KRT76: variants seen among roughly 807,000 people sequenced by gnomAD.
The protein encoded by KRT76 is keratin, type II cytoskeletal 2 oral.
KRT76 carries 47 observed loss-of-function variants against 44.9 expected under a neutral mutation model. The ratio of observed to expected loss-of-function variants is 1.05; its 90% confidence interval spans 0.83 to 1.33. KRT76 has a LOEUF of 1.33. KRT76 is among the 40% of genes most tolerant of loss of function. The pLI, the probability that KRT76 is intolerant of heterozygous loss-of-function variation, is 0.00. For synonymous variants in KRT76, 331 were observed against 294.1 expected (o/e 1.13, Z -1.28); for missense variants, 860 against 775.8 (o/e 1.11, Z -1.29).
Position 52,775,376 on chromosome 12 carries a change from A to T in KRT76, c.815+12T>A. ...TCCCCAGAAGGGGAAACTTCCCAGGAGGAGCCCTCACTTCTTTTTGAAGTC... is the reference window on the plus strand; with the variant it reads ...TCCCCAGAAGGGGAAACTTCCCAGGTGGAGCCCTCACTTCTTTTTGAAGTC... On this transcript the variant is annotated intron_variant, in intron 2 of 8. Transcript: ENST00000332411. 6.2e-7 allele frequency: 1 copy of T among 1,613,326 alleles called. No individual in the cohort carries two copies. The highest frequency in any genetic ancestry group is 8.5e-7 in the Non-Finnish European group (1 of 1,179,270).
chr12:52,775,815 C>T (rs1939253521), intron 1 of KRT76, among the ~76,000 whole-genome samples: 1 of 152,158 alleles, frequency 6.6e-6, no homozygotes, highest in Non-Finnish European at 1.5e-5. Context: ...ATTTCCGTCA[C>T]ATTTAATCCT....
intron 1 of KRT76, among the ~76,000 whole-genome samples, chr12:52,776,211 T>C (rs937637651): frequency 6.6e-6 from 1 of 152,212 alleles, no homozygotes; most frequent in Non-Finnish European, 1.5e-5. Flanking sequence ...TGCCCCAGCA[T>C]GGACAGCTCA....
At chr12:52,775,282 A>C in intron 2 of KRT76, 106 bp downstream of exon 2, 1 of 953,246 alleles carries the variant, frequency 1.0e-6, no homozygotes, top group Non-Finnish European at 1.7e-6. Context: ...AATCCATCCC[A>C]GAGTATTGAC....
chr12:52,773,603 A>C lies in KRT76; in HGVS notation c.855T>G (p.Asn285Lys). The change falls in exon 3 of 9, where the codon AAT becomes AAG. Residue 285 changes from asparagine (N) to lysine (K), a missense_variant. Transcript: ENST00000332411. ...DEINKRTAAE[N>K]EFVGLKKDVD... Reference sequence around the variant, plus strand: ...CTACCTTCTTGAGCCCCACAAACTCATTCTCTGCGGCAGTGCGTTTGTTGA... The same window carrying C: ...CTACCTTCTTGAGCCCCACAAACTCCTTCTCTGCGGCAGTGCGTTTGTTGA... 6.2e-7 allele frequency: 1 copy of C among 1,613,348 alleles called. No homozygotes were observed. The highest frequency in any genetic ancestry group is 8.5e-7 in the Non-Finnish European group (1 of 1,179,454).
intron 3 of KRT76, among the ~76,000 whole-genome samples, chr12:52,773,155 A>G (rs934146255): frequency 2.0e-5 from 3 of 152,220 alleles, no homozygotes; most frequent in Non-Finnish European, 2.9e-5. Context: ...CCTAATATGT[A>G]TGTGACTTTG....
chr12:52,774,023 G>A (rs925794727), intron 2 of KRT76, among the ~76,000 whole-genome samples: 1 of 152,170 alleles, frequency 6.6e-6, no homozygotes, highest in East Asian at 1.9e-4. Flanking sequence ...GTAGAGACAA[G>A]GTCTCACTTT....
chr12:52,776,857 G>C lies in KRT76; in HGVS notation c.435C>G (p.Gly145=). ...CCCCAGGAAAGCCCCCAGGGCCAAAGCCACCAGGACCACCAAAGCTGCCAG... is the reference window on the plus strand; with the variant it reads ...CCCCAGGAAAGCCCCCAGGGCCAAACCCACCAGGACCACCAAAGCTGCCAG... ...GGPGSFGGPG[G]FGPGGFPGGI... is the part of the protein sequence containing the mutation. The change falls in exon 1 of 9, where the codon GGC becomes GGG. Residue 145 remains glycine, a synonymous_variant. Coordinates refer to ENST00000332411, the MANE Select transcript of KRT76 (RefSeq NM_015848.4). 6.2e-7 allele frequency: 1 copy of C among 1,613,122 alleles called. No homozygotes were observed. Among genetic ancestry groups the C allele is most frequent in the Non-Finnish European group, 8.5e-7 (1 of 1,179,540 alleles).
intron 7 of KRT76, among the ~76,000 whole-genome samples, chr12:52,770,091 T>G (rs1939156304): frequency 6.6e-6 from 1 of 152,218 alleles, no homozygotes; most frequent in Non-Finnish European, 1.5e-5. Flanking sequence ...ACCTACACTG[T>G]CCATCTTCCT....
chr12:52,769,343 C>T (rs1939143729), intron 8 of KRT76, among the ~76,000 whole-genome samples: 2 of 152,204 alleles, frequency 1.3e-5, no homozygotes, highest in African/African-American at 4.8e-5. Context: ...ACTCCCCAAA[C>T]CAGAGGGGCT....
At position 52,772,112 on chromosome 12, in the gene KRT76, C is replaced by G; in HGVS notation, c.1119G>C (p.Glu373Asp). ...EIAQRSKSEA[E>D]ALYQTKLGEL... ...TTCCCACCTTGGTCTGGTACAGGGC[C>G]TCAGCTTCAGACTTGCTCCTCTGGG... Residue 373 changes from glutamate (E) to aspartate (D), a missense_variant, in exon 5 of 9, where the codon GAG (glutamate) becomes GAC (aspartate). Physicochemically the swap from Glu to Asp is conservative, Grantham distance 45. Transcript: ENST00000332411. 2 of 1,611,412 alleles carry G rather than the reference C, an allele frequency of 1.2e-6. No individual in the cohort carries two copies. Among genetic ancestry groups the G allele is most frequent in the Non-Finnish European group, 1.7e-6 (2 of 1,178,518 alleles).
Position 52,768,675 on chromosome 12 carries a change from G to A in KRT76, c.*38C>T, listed in dbSNP as rs1005242839. 1.3e-5 allele frequency: 21 copies of A among 1,557,842 alleles called. No homozygotes were observed. Among genetic ancestry groups the A allele is most frequent in the Non-Finnish European group, 1.7e-5 (19 of 1,144,386 alleles). On this transcript the variant is annotated 3_prime_UTR_variant, in exon 9 of 9. Coordinates refer to ENST00000332411, the MANE Select transcript of KRT76 (RefSeq NM_015848.4). Reference sequence around the variant, plus strand: ...AGTGGGAAACACTATTGCAGGCTGAGTGGGAAGCAGGTGGTTATAGAGATT... The same window carrying A: ...AGTGGGAAACACTATTGCAGGCTGAATGGGAAGCAGGTGGTTATAGAGATT...
In KRT76 at chr12:52,772,787, T is replaced by C. The variant is rs764247889; in HGVS notation, c.968A>G (p.Glu323Gly). ...GCTTGCAAACCAAGGAATCACCATCTCATAGAGGGTCCTCAGGAAGCTGAC... is the reference window on the plus strand; with the variant it reads ...GCTTGCAAACCAAGGAATCACCATCCCATAGAGGGTCCTCAGGAAGCTGAC... ...DEVSFLRTLYEMELSQMQSHA... is the reference protein window; with the variant it reads ...DEVSFLRTLYGMELSQMQSHA... The change falls in exon 4 of 9, where the codon GAG (glutamate) becomes GGG (glycine). Residue 323 changes from glutamate (E) to glycine (G), a missense_variant. Glu to Gly is a moderately conservative substitution (Grantham distance 98). Coordinates refer to ENST00000332411, the MANE Select transcript of KRT76 (RefSeq NM_015848.4). 2 of 1,608,488 alleles carry C rather than the reference T, an allele frequency of 1.2e-6. No homozygotes were observed. Among genetic ancestry groups the C allele is most frequent in the East Asian group, 4.5e-5 (2 of 44,848 alleles).
Position 52,775,377 on chromosome 12 carries a change from G to A in KRT76, c.815+11C>T, listed in dbSNP as rs1381635912. ...CCCCAGAAGGGGAAACTTCCCAGGAGGAGCCCTCACTTCTTTTTGAAGTCT... is the reference window on the plus strand; with the variant it reads ...CCCCAGAAGGGGAAACTTCCCAGGAAGAGCCCTCACTTCTTTTTGAAGTCT... On this transcript the variant is annotated intron_variant, in intron 2 of 8. Transcript: ENST00000332411. 8.1e-6 allele frequency: 13 copies of A among 1,613,312 alleles called. No individual in the cohort carries two copies. Among genetic ancestry groups the A allele is most frequent in the Non-Finnish European group, 1.1e-5 (13 of 1,179,384 alleles).
rs758688800 is a variant in KRT76 at position 52,775,510 on chromosome 12, C to T, written c.693G>A (p.Glu231=). 93 of 1,614,080 alleles carry T rather than the reference C, an allele frequency of 5.8e-5. No homozygotes were observed. The highest frequency in any genetic ancestry group is 7.5e-5 in the Non-Finnish European group (89 of 1,180,044). ...AGCTGATGTAGGATTCAAAACAAGG[C>T]TCCAGGCTGCTGGGCCCTGAGCCTG... ...QTTGSGPSSL[E]PCFESYISFL... Residue 231 remains glutamate, a synonymous_variant, in exon 2 of 9, where the codon GAG becomes GAA. Coordinates refer to ENST00000332411, the MANE Select transcript of KRT76 (RefSeq NM_015848.4).
chr12:52,773,519 A>T, intron 3 of KRT76, 63 bp downstream of exon 3: 1 of 1,214,976 alleles, frequency 8.2e-7, no homozygotes, highest in Non-Finnish European at 1.2e-6. Flanking sequence ...CTGGCTGTGC[A>T]CTCTCTCCAT....
chr12:52,771,032 G>C lies in KRT76; in HGVS notation c.1451C>G (p.Thr484Ser), dbSNP rs370691778. The C allele has an allele frequency of 4.3e-6, 7 of 1,613,982 alleles. No individual in the cohort carries two copies. The highest frequency in any genetic ancestry group is 5.9e-6 in the Non-Finnish European group (7 of 1,180,034). ...VKLALDVEIA[T>S]YRKLLEGEEC... ...CTCTCCCTCCAGCAGCTTGCGGTAGGTGGCAATCTCCACATCCAGGGCCAG... is the reference window on the plus strand; with the variant it reads ...CTCTCCCTCCAGCAGCTTGCGGTAGCTGGCAATCTCCACATCCAGGGCCAG... Residue 484 changes from threonine (T) to serine (S), a missense_variant, in exon 7 of 9, where the codon ACC (threonine) becomes AGC (serine). Physicochemically the swap from Thr to Ser is moderately conservative, Grantham distance 58. Coordinates refer to ENST00000332411, the MANE Select transcript of KRT76 (RefSeq NM_015848.4).
In KRT76 at chr12:52,777,170, C is replaced by T. The variant is rs911547745; in HGVS notation, c.122G>A (p.Gly41Glu). Residue 41 changes from glycine to glutamate, a missense_variant, in exon 1 of 9, where the codon GGA becomes GAA. Physicochemically the swap from Gly to Glu is moderately conservative, Grantham distance 98. Coordinates refer to ENST00000332411, the MANE Select transcript of KRT76 (RefSeq NM_015848.4). ...SCVARSGGAG[G>E]GACGFRSGAG... ...TCCGCTCCTGAAGCCACAGGCCCCTCCACCAGCTCCCCCAGAGCGGGCCAC... is the reference window on the plus strand; with the variant it reads ...TCCGCTCCTGAAGCCACAGGCCCCTTCACCAGCTCCCCCAGAGCGGGCCAC... 1.1e-5 allele frequency: 18 copies of T among 1,614,138 alleles called. No individual in the cohort carries two copies. The highest frequency in any genetic ancestry group is 1.4e-5 in the Non-Finnish European group (16 of 1,180,056).
chr12:52,769,698 C>T (rs1359842956), intron 7 of KRT76, 115 bp from the exon 8 acceptor site: 1 of 831,122 alleles, frequency 1.2e-6, no homozygotes, highest in African/African-American at 1.7e-5. Flanking sequence ...GGGTCAAGCT[C>T]CTGCAAGAAG....
Position 52,768,524 on chromosome 12 carries a change from A to G in KRT76, c.*189T>C, listed in dbSNP as rs890968494. The G allele has an allele frequency of 3.2e-6, 2 of 616,256 alleles. No individual in the cohort carries two copies. Among genetic ancestry groups the G allele is most frequent in the African/African-American group, 3.6e-5 (2 of 55,170 alleles). The allele number at this position is 616,256 out of a possible 1,614,324, so 38.2% of individuals were successfully genotyped here. On this transcript the variant is annotated 3_prime_UTR_variant, in exon 9 of 9. Transcript: ENST00000332411. ...TCCAGGGGCATCATCATCCCAGACC[A>G]GCAGCAGGACCTCCATGGCCCTGGG... is the stretch of plus-strand genomic sequence containing the variant.
Sources: allele counts gnomAD v4.1 joint callset (sites outside exome capture counted in the v4.1 genomes callset), GRCh38; gene constraint gnomAD v4.1.1; transcripts MANE v1.5; gene names NCBI Gene and HGNC (gene_info 2026-07-23, HGNC 2026-07-21).